ANKFN1: variants seen among roughly 807,000 people sequenced by gnomAD.
ANKFN1 encodes the protein ankyrin repeat and fibronectin type III domain containing 1, also known as ankyrin repeat and fibronectin type-III domain-containing protein 1.
Under a neutral mutation model 108.7 loss-of-function variants are expected in ANKFN1, and 74 were observed. The observed-to-expected ratio is 0.68, with a 90% CI of 0.56 to 0.83. ANKFN1 has a LOEUF of 0.83. Among genes scored for constraint, ANKFN1 ranks in the 40% least tolerant of loss-of-function variants. ANKFN1 has a pLI of 0.00. For synonymous variants in ANKFN1, 547 were observed against 516.2 expected (o/e 1.06, Z -0.81); for missense variants, 1,505 against 1,382.3 (o/e 1.09, Z -1.41).
chr17:56,260,658 G>A (rs2043487393), intron 3 of ANKFN1, among the ~76,000 whole-genome samples: 1 of 152,030 alleles, frequency 6.6e-6, no homozygotes, highest in African/African-American at 2.4e-5. Flanking sequence ...GTATGTCTGG[G>A]GTTTTGCCAA....
chr17:56,467,739 G>GAAAC (rs56016749), intron 15 of ANKFN1, among the ~76,000 whole-genome samples: 1 of 96,726 alleles, frequency 1.0e-5, no homozygotes, highest in African/African-American at 4.5e-5. Flanking sequence ...GAGAAAGAAA[G>GAAAC]AAACAAAGAA....
intron 1 of ANKFN1, among the ~76,000 whole-genome samples, chr17:56,184,491 A>G (rs1002444940): frequency 6.6e-6 from 1 of 152,190 alleles, no homozygotes; most frequent in African/African-American, 2.4e-5. Context: ...GGGAAACAAA[A>G]AAATTAATGC....
chr17:56,185,791 A>G (rs1912141095), intron 1 of ANKFN1, among the ~76,000 whole-genome samples: 1 of 152,206 alleles, frequency 6.6e-6, no homozygotes, highest in Non-Finnish European at 1.5e-5. Flanking sequence ...CCATTTTAAT[A>G]TGTTTTTGAA....
intron 14 of ANKFN1, among the ~76,000 whole-genome samples, chr17:56,460,015 G>A (rs2049846579): frequency 6.6e-6 from 1 of 150,390 alleles, no homozygotes; most frequent in Non-Finnish European, 1.5e-5. Context: ...TCCCACGCCT[G>A]GATGAATCCA....
rs183263445 is a variant in ANKFN1, at chr17:56,390,676, G to A, written c.910+15962G>A. ...ACAGTCCCACCAATAGTGTAAAAGT[G>A]TTCCTGTTTCTCCACATCCTCACCA... is the stretch of plus-strand genomic sequence containing the variant. On this transcript the variant is annotated intron_variant, in intron 8 of 20. Transcript: ENST00000682825. 4.2e-4 allele frequency among the ~76,000 whole-genome samples: 64 copies of A among 152,292 alleles called. 2 individuals carry two copies. The highest frequency in any genetic ancestry group is 3.8e-3 in the Admixed American group (58 of 15,300).
intron 4 of ANKFN1, among the ~76,000 whole-genome samples, chr17:56,075,054 C>A (rs1193339221): frequency 2.0e-5 from 3 of 152,174 alleles, no homozygotes; most frequent in African/African-American, 7.2e-5. Flanking sequence ...ATGGAACTTA[C>A]TCAAGGTCAT....
chr17:56,157,001 C>T (rs886650897), intron 1 of ANKFN1, among the ~76,000 whole-genome samples: 24 of 152,158 alleles, frequency 1.6e-4, no homozygotes, highest in African/African-American at 5.8e-4. Flanking sequence ...ATTGGCATGG[C>T]TTTATTGTAT....
In ANKFN1 at chr17:56,208,461, C is replaced by T. The variant is rs186124072; in HGVS notation, c.-70-4137C>T. 1.8e-3 allele frequency among the ~76,000 whole-genome samples: 267 copies of T among 152,238 alleles called. 1 individual carries two copies. The highest frequency in any genetic ancestry group is 6.8e-3 in the Middle Eastern group (2 of 294). On this transcript the variant is annotated intron_variant, in intron 1 of 20. Coordinates refer to ENST00000682825, the MANE Select transcript of ANKFN1 (RefSeq NM_001370326.1). ...CAAAATCCTGATTATCAAAAAATGT[C>T]TCCAGACATTGGCAGCTGTCCCCCG...
At chr17:56,280,010 T>C (rs2144236284) in intron 3 of ANKFN1, among the ~76,000 whole-genome samples, 1 of 139,590 alleles carries the variant, frequency 7.2e-6, no homozygotes, top group East Asian at 2.1e-4. Flanking sequence ...CATAATGTCT[T>C]TTTTTTTTTT....
At chr17:56,057,397 C>T (rs956283672) in intron 4 of ANKFN1, among the ~76,000 whole-genome samples, 8 of 152,186 alleles carry the variant, frequency 5.3e-5, no homozygotes, top group Non-Finnish European at 8.8e-5. Context: ...CCATCAGCAG[C>T]GATATACTTA....
intron 3 of ANKFN1, among the ~76,000 whole-genome samples, chr17:56,287,995 T>A (rs540012516): frequency 2.0e-5 from 3 of 152,116 alleles, no homozygotes; most frequent in Non-Finnish European, 4.4e-5. Context: ...GCCATTTAAA[T>A]GTAACTGTGT....
intron 3 of ANKFN1, among the ~76,000 whole-genome samples, chr17:56,245,316 T>C (rs1324255961): frequency 6.6e-6 from 1 of 152,024 alleles, no homozygotes; most frequent in East Asian, 1.9e-4. Context: ...GAATCTAGTA[T>C]TTAGAGGGTT....
intron 20 of ANKFN1, among the ~76,000 whole-genome samples, chr17:56,505,561 G>A (rs1271615763): frequency 6.6e-6 from 1 of 152,160 alleles, no homozygotes; most frequent in African/African-American, 2.4e-5. Context: ...TATTTACTAA[G>A]CAGAGATGAG....
intron 8 of ANKFN1, among the ~76,000 whole-genome samples, chr17:56,409,150 C>T (rs1598552235): frequency 6.6e-6 from 1 of 152,068 alleles, no homozygotes; most frequent in South Asian, 2.1e-4. Flanking sequence ...GTCTCGAACT[C>T]CTGATCTCAG....
At chr17:56,065,916 G>T (rs1306975271) in intron 4 of ANKFN1, among the ~76,000 whole-genome samples, 1 of 152,210 alleles carries the variant, frequency 6.6e-6, no homozygotes, top group Non-Finnish European at 1.5e-5. Context: ...CTTACTCACT[G>T]CAGAATTGCC....
At chr17:56,112,705 CCA>C (rs1906034706) in intron 4 of ANKFN1, among the ~76,000 whole-genome samples, 2 of 152,072 alleles carry the variant, frequency 1.3e-5, no homozygotes, top group African/African-American at 4.8e-5. Context: ...AAGCTTTTTT[CCA>C]CTTAAGAATA....
intron 8 of ANKFN1, among the ~76,000 whole-genome samples, chr17:56,406,158 G>T (rs557903038): frequency 6.6e-6 from 1 of 152,144 alleles, no homozygotes; most frequent in Non-Finnish European, 1.5e-5. Context: ...TTAAAATCAC[G>T]TAAGGGCAGT....
chr17:56,354,506 C>A (rs2046325945), intron 6 of ANKFN1, among the ~76,000 whole-genome samples: 1 of 152,158 alleles, frequency 6.6e-6, no homozygotes, highest in Non-Finnish European at 1.5e-5. Flanking sequence ...ACAAAAGTCC[C>A]TATTCTCATA....
chr17:56,189,016 T>C (rs998752696), intron 1 of ANKFN1, among the ~76,000 whole-genome samples: 5 of 151,970 alleles, frequency 3.3e-5, no homozygotes, highest in African/African-American at 7.3e-5. Context: ...GGTGAACACA[T>C]AGGGGTACTG....
Sources: gnomAD v4.1 joint callset for allele counts (sites outside exome capture counted in the v4.1 genomes callset) on GRCh38, gnomAD v4.1.1 for gene constraint, MANE v1.5 for transcripts, NCBI Gene and HGNC (gene_info 2026-07-23, HGNC 2026-07-21) for gene names.